Variants in LARGE1 observed in about 807,000 individuals in gnomAD.
LARGE1 encodes the protein xylosyl- and glucuronyltransferase LARGE1.
Under a neutral mutation model 87.6 loss-of-function variants are expected in LARGE1, and 43 were observed. That is an observed-to-expected ratio of 0.49 (90% CI 0.38 to 0.63). LARGE1 has a LOEUF of 0.63. Ranked by LOEUF, LARGE1 falls within the 30% of genes least tolerant of loss-of-function variation. The probability of loss-of-function intolerance (pLI) is 0.00; values close to 1 mark genes in which losing one functional copy is unlikely to be tolerated. For missense variants in LARGE1, 802 were observed against 1,000.2 expected (o/e 0.80, Z 2.67); for synonymous variants, 434 against 394.6 (o/e 1.10, Z -1.18).
At chr22:33,685,678 A>T (rs2149318252) in intron 2 of LARGE1, among the ~76,000 whole-genome samples, 1 of 152,360 alleles carries the variant, frequency 6.6e-6, no homozygotes, top group South Asian at 2.1e-4. Flanking sequence ...CTGGAATCAG[A>T]ACTGGGTTCT....
chr22:33,079,715 G>A, the LARGE1 span, among the ~76,000 whole-genome samples: 1 of 152,142 alleles, frequency 6.6e-6, no homozygotes, highest in Non-Finnish European at 1.5e-5. Context: ...TACAAAGTTG[G>A]TTGGCAATAA....
rs3072359 is a variant in LARGE1 at position 33,865,832 on chromosome 22, C to CTTTTTTTTTTTTTT, written c.-83+54149_-83+54162dup. 6.3e-4 allele frequency among the ~76,000 whole-genome samples: 18 copies of CTTTTTTTTTTTTTT among 28,366 alleles called. 5 individuals are homozygous for CTTTTTTTTTTTTTT. The highest frequency in any genetic ancestry group is 1.4e-3 in the African/African-American group (13 of 9,336). 18.6% of individuals were successfully genotyped at this position (28,366 alleles called of 152,430 possible). A position where few individuals can be genotyped will look rare whatever the true frequency, so the allele number is the denominator to read the frequency against. On this transcript the variant is annotated intron_variant, in intron 1 of 14. Coordinates refer to ENST00000397394, the MANE Select transcript of LARGE1 (RefSeq NM_133642.5). ...TAAGCATTCAATGTTAGCTGTTATT[C>CTTTTTTTTTTTTTT]TTTTTTTTTTTTTTTTTTTTTTTTT...
At chr22:33,357,814 C>T (rs181465634) in intron 9 of LARGE1, among the ~76,000 whole-genome samples, 31 of 152,172 alleles carry the variant, frequency 2.0e-4, no homozygotes, top group African/African-American at 7.5e-4. Context: ...AAAAATTATA[C>T]AAAAAAGAAT....
At chr22:33,901,200 G>T (rs1049646855) in intron 1 of LARGE1, among the ~76,000 whole-genome samples, 13 of 152,174 alleles carry the variant, frequency 8.5e-5, no homozygotes, top group African/African-American at 3.1e-4. Context: ...CCAGAAGCTA[G>T]TGAGAACCAG....
chr22:33,661,295 G>A (rs1005650884), intron 2 of LARGE1, among the ~76,000 whole-genome samples: 4 of 150,378 alleles, frequency 2.7e-5, no homozygotes, highest in East Asian at 2.0e-4. Context: ...GGCTCACTGC[G>A]ACCTCCACCT....
chr22:33,370,328 T>C (rs1244127943), intron 9 of LARGE1, among the ~76,000 whole-genome samples: 1 of 152,228 alleles, frequency 6.6e-6, no homozygotes, highest in Non-Finnish European at 1.5e-5. Flanking sequence ...AATGTGTTAC[T>C]AATTCAAGGC....
intron 4 of LARGE1, among the ~76,000 whole-genome samples, chr22:33,623,897 G>A (rs2079836264): frequency 6.6e-6 from 1 of 151,992 alleles, no homozygotes; most frequent in Admixed American, 6.6e-5. Context: ...GGGTGTGGTG[G>A]CAGGCGCCTG....
Position 33,187,921 on chromosome 22 carries a change from C to CAA in LARGE1, c.1731-21091_1731-21090dup, listed in dbSNP as rs578115819. 4.5e-3 allele frequency among the ~76,000 whole-genome samples: 166 copies of CAA among 36,912 alleles called. 55 individuals carry two copies. Among genetic ancestry groups the CAA allele is most frequent in the Non-Finnish European group, 7.9e-3 (140 of 17,736 alleles). The allele number at this position is 36,912 out of a possible 152,430, so 24.2% of individuals were successfully genotyped here. A position where few individuals can be genotyped will look rare whatever the true frequency, so the allele number is the denominator to read the frequency against. ...TGGGCAACAGAGTGAGACTCCGTCT[C>CAA]AAAAAAAAAAAAAAAAAAAAAAAAA... On this transcript the variant is annotated intron_variant, in intron 11 of 11. Coordinates refer to the LARGE1 transcript ENST00000608642.
chr22:33,539,959 T>A (rs1383432050), intron 6 of LARGE1, among the ~76,000 whole-genome samples: 1 of 152,116 alleles, frequency 6.6e-6, no homozygotes, highest in African/African-American at 2.4e-5. Flanking sequence ...AATTCCCAGC[T>A]CTACTGACCA....
intron 2 of LARGE1, among the ~76,000 whole-genome samples, chr22:33,688,997 A>G (rs369082750): frequency 3.9e-5 from 6 of 152,022 alleles, no homozygotes; most frequent in African/African-American, 1.4e-4. Context: ...CACACATCTA[A>G]ATGTAAAAAC....
chr22:33,545,283 T>TA (rs1491338502), intron 6 of LARGE1, among the ~76,000 whole-genome samples: 1 of 125,212 alleles, frequency 8.0e-6, no homozygotes, highest in Non-Finnish European at 1.7e-5. Flanking sequence ...TTTTTTTTTT[T>TA]AGAGACAGGG....
In LARGE1 at chr22:33,509,041, G is replaced by A. The variant is rs140823753; in HGVS notation, c.787+55807C>T. On this transcript the variant is annotated intron_variant, in intron 6 of 14. Coordinates refer to ENST00000397394, the MANE Select transcript of LARGE1 (RefSeq NM_133642.5). ...GGTATATATTTGCTTGGGGAGTGAG[G>A]AAAAGAACAGGTATATCAGGCCTTA... Among the ~76,000 whole-genome samples the A allele has an allele frequency of 2.0e-5, 3 of 152,288 alleles. No homozygotes were observed. The East Asian group carries it at 5.8e-4, about 29-fold the overall frequency.
chr22:33,515,316 C>A (rs2071253397), intron 6 of LARGE1, among the ~76,000 whole-genome samples: 1 of 152,034 alleles, frequency 6.6e-6, no homozygotes, highest in African/African-American at 2.4e-5. Flanking sequence ...TTTTCCAGTG[C>A]AAATTGATGC....
chr22:33,173,180 C>G (rs891591826), intron 11 of LARGE1, among the ~76,000 whole-genome samples: 13 of 152,112 alleles, frequency 8.5e-5, no homozygotes, highest in African/African-American at 3.1e-4. Flanking sequence ...ACCCTACAAG[C>G]CAGAAGAGAG....
chr22:33,249,071 C>G (rs985853026), intron 11 of LARGE1, among the ~76,000 whole-genome samples: 3 of 152,154 alleles, frequency 2.0e-5, no homozygotes, highest in Admixed American at 6.5e-5. Flanking sequence ...TGGGTAAATA[C>G]CAAGGAGTGT....
chr22:33,104,783 C>T, the LARGE1 span, among the ~76,000 whole-genome samples: 1 of 152,176 alleles, frequency 6.6e-6, no homozygotes, highest in Non-Finnish European at 1.5e-5. Context: ...CTTTTCAAGA[C>T]CCAGCCCAAG....
At chr22:33,172,565 T>C (rs1922634038) in intron 11 of LARGE1, among the ~76,000 whole-genome samples, 1 of 151,958 alleles carries the variant, frequency 6.6e-6, no homozygotes, top group Admixed American at 6.5e-5. Flanking sequence ...TGCAATAGAA[T>C]TTTTTCTGGA....
At position 33,346,836 on chromosome 22, in the gene LARGE1, T is replaced by C. The variant is rs532921990; in HGVS notation, c.1132-9035A>G. On this transcript the variant is annotated intron_variant, in intron 9 of 14. Transcript: ENST00000397394. The stretch of plus-strand genomic sequence containing the variant: ...ATCATGATGATCCAAGTCTCTGATT[T>C]CCCAGACTACCTTGCAGCCAGGGGT... Among the ~76,000 whole-genome samples, 15 of 152,312 alleles carry C rather than the reference T, an allele frequency of 9.8e-5. No homozygotes were observed. In the South Asian group the frequency reaches 3.1e-3, roughly 32 times the overall value.
At chr22:33,505,671 G>T (rs940642441) in intron 6 of LARGE1, among the ~76,000 whole-genome samples, 1 of 152,176 alleles carries the variant, frequency 6.6e-6, no homozygotes, top group Non-Finnish European at 1.5e-5. Context: ...TGTCATGAGA[G>T]GTAGCGAGTT....
Sources: allele counts gnomAD v4.1 joint callset (sites outside exome capture counted in the v4.1 genomes callset), GRCh38; gene constraint gnomAD v4.1.1; transcripts MANE v1.5; gene names NCBI Gene and HGNC (gene_info 2026-07-23, HGNC 2026-07-21).